Variants in PRKN observed in about 807,000 individuals in gnomAD.
PRKN encodes the protein E3 ubiquitin-protein ligase parkin.
PRKN carries 56 observed loss-of-function variants against 59.5 expected under a neutral mutation model. The observed-to-expected ratio is 0.94, with a 90% CI of 0.76 to 1.18. The LOEUF is 1.18. Ranked by LOEUF, PRKN falls within the 50% of genes most tolerant of loss-of-function variation. The pLI is 0.00. For synonymous variants in PRKN, 250 were observed against 222.1 expected (o/e 1.13, Z -1.12); for missense variants, 657 against 596.4 (o/e 1.10, Z -1.06).
intron 2 of PRKN, among the ~76,000 whole-genome samples, chr6:162,419,968 G>A (rs1788866860): frequency 6.6e-6 from 1 of 152,170 alleles, no homozygotes; most frequent in Admixed American, 6.5e-5. Context: ...TGGCATCAGG[G>A]ACTGGTTTCG....
chr6:162,627,880 T>C (rs1291179088), intron 1 of PRKN, among the ~76,000 whole-genome samples: 2 of 151,980 alleles, frequency 1.3e-5, no homozygotes. Flanking sequence ...GAGTCTAAGA[T>C]GCCACTGTAT....
chr6:161,707,108 T>C (rs1187214245), intron 7 of PRKN, among the ~76,000 whole-genome samples: 1 of 152,196 alleles, frequency 6.6e-6, no homozygotes, highest in Non-Finnish European at 1.5e-5. Flanking sequence ...GCAATGCTAG[T>C]TCAGTTTAAA....
intron 3 of PRKN, among the ~76,000 whole-genome samples, chr6:162,230,646 T>A (rs1305603493): frequency 6.6e-6 from 1 of 152,202 alleles, no homozygotes; most frequent in Non-Finnish European, 1.5e-5. Flanking sequence ...AAGATAGGAA[T>A]CTACACAACT....
intron 6 of PRKN, among the ~76,000 whole-genome samples, chr6:161,933,743 G>A (rs1477238299): frequency 6.6e-6 from 1 of 151,250 alleles, no homozygotes; most frequent in Non-Finnish European, 1.5e-5. Context: ...GTCCTACAAT[G>A]TAAATGAAGC....
intron 6 of PRKN, among the ~76,000 whole-genome samples, chr6:161,865,112 T>C (rs1189434318): frequency 6.6e-6 from 1 of 152,204 alleles, no homozygotes; most frequent in South Asian, 2.1e-4. Context: ...ATTCATGTCC[T>C]TGTACATCTC....
At chr6:162,367,217 C>T (rs567637876) in intron 2 of PRKN, among the ~76,000 whole-genome samples, 1 of 152,254 alleles carries the variant, frequency 6.6e-6, no homozygotes, top group East Asian at 1.9e-4. Flanking sequence ...GACATGTTTG[C>T]TTCCCCTTCC....
At chr6:161,792,409 T>C (rs1248892407) in intron 6 of PRKN, among the ~76,000 whole-genome samples, 1 of 152,170 alleles carries the variant, frequency 6.6e-6, no homozygotes, top group African/African-American at 2.4e-5. Flanking sequence ...GAGAAAAGAA[T>C]GGAGCTGTGA....
intron 9 of PRKN, among the ~76,000 whole-genome samples, chr6:161,432,355 A>ATTTTTTTTTTT (rs1188841520): frequency 1.1e-5 from 1 of 92,184 alleles, no homozygotes; most frequent in Non-Finnish European, 2.0e-5. Context: ...ACTTCCTCTG[A>ATTTTTTTTTTT]TTTTTTTTTT....
At chr6:162,045,214 A>C (rs1245157148) in intron 5 of PRKN, among the ~76,000 whole-genome samples, 1 of 152,202 alleles carries the variant, frequency 6.6e-6, no homozygotes, top group Non-Finnish European at 1.5e-5. Flanking sequence ...TAGCACAACA[A>C]ATCAATGTGT....
chr6:161,548,233 C>G lies in PRKN; in HGVS notation c.1083+621G>C, dbSNP rs73593440. ...TTGTGTTTGAGTTATGCTTCTTCCCCCCTTGAGCCATCAGCTTGCAGCCAT... is the reference window on the plus strand; with the variant it reads ...TTGTGTTTGAGTTATGCTTCTTCCCGCCTTGAGCCATCAGCTTGCAGCCAT... On this transcript the variant is annotated intron_variant, in intron 9 of 11. Transcript: ENST00000366898. This position sits in a 1 kb window ranked among gnomAD's most constrained non-coding sequence, Gnocchi z 4.2. Among the ~76,000 whole-genome samples the G allele has an allele frequency of 0.012, 1,856 of 152,222 alleles. 38 individuals are homozygous for G. The highest frequency in any genetic ancestry group is 0.037 in the African/African-American group (1,543 of 41,528).
intron 6 of PRKN, among the ~76,000 whole-genome samples, chr6:161,927,267 G>A (rs1362586890): frequency 1.3e-5 from 2 of 152,182 alleles, no homozygotes; most frequent in African/African-American, 2.4e-5. Context: ...GGATTGCAAA[G>A]TGTCTGAAGA....
rs1251599027 is a variant in PRKN at position 161,363,902 on chromosome 6, G to A, written c.1168-3697C>T. ...GGGCCGGATGTGGTGGTTCACGCCT[G>A]TAATCCAAGCACTTTGGGAGGCCAA... On this transcript the variant is annotated intron_variant, in intron 10 of 11. Coordinates refer to ENST00000366898, the MANE Select transcript of PRKN (RefSeq NM_004562.3). The surrounding 1 kb of genome is among the most constrained non-coding windows in gnomAD (Gnocchi z 4.1). 2.0e-5 allele frequency among the ~76,000 whole-genome samples: 3 copies of A among 152,190 alleles called. No individual in the cohort carries two copies. Among genetic ancestry groups the A allele is most frequent in the Non-Finnish European group, 4.4e-5 (3 of 68,034 alleles).
chr6:161,392,665 T>G (rs1290594962), intron 9 of PRKN, among the ~76,000 whole-genome samples: 1 of 151,966 alleles, frequency 6.6e-6, no homozygotes, highest in Non-Finnish European at 1.5e-5. Flanking sequence ...CATGGTCACC[T>G]AATACATTCT....
intron 6 of PRKN, among the ~76,000 whole-genome samples, chr6:161,847,495 G>A (rs552229165): frequency 1.3e-5 from 2 of 152,300 alleles, no homozygotes; most frequent in African/African-American, 4.8e-5. Context: ...AAGTGGTTGA[G>A]GGGTGGGTAT....
At chr6:162,055,355 C>A (rs935123210) in intron 4 of PRKN, among the ~76,000 whole-genome samples, 2 of 152,150 alleles carry the variant, frequency 1.3e-5, no homozygotes, top group Non-Finnish European at 2.9e-5. Context: ...ACCTAAAATT[C>A]TGTGCCTGAC....
intron 6 of PRKN, among the ~76,000 whole-genome samples, chr6:161,885,597 G>A (rs973356741): frequency 4.6e-5 from 7 of 151,310 alleles, no homozygotes; most frequent in South Asian, 2.1e-4. Context: ...CCCGGGAGGC[G>A]GAGCTTGCAG....
chr6:162,691,405 A>T (rs1430592175), intron 1 of PRKN, among the ~76,000 whole-genome samples: 1 of 152,162 alleles, frequency 6.6e-6, no homozygotes, highest in Non-Finnish European at 1.5e-5. Flanking sequence ...AGTGTCAGAA[A>T]ATGCCAACTT....
chr6:162,072,674 A>G (rs1379526233), intron 4 of PRKN, among the ~76,000 whole-genome samples: 1 of 152,226 alleles, frequency 6.6e-6, no homozygotes, highest in Non-Finnish European at 1.5e-5. Context: ...TGAGGATGTC[A>G]AGATGATAAA....
chr6:161,512,138 A>G (rs1778415259), intron 9 of PRKN, among the ~76,000 whole-genome samples: 1 of 152,272 alleles, frequency 6.6e-6, no homozygotes. Context: ...GAAAATGGAA[A>G]GAGGTCTACA....
Sources: gnomAD v4.1 joint callset for allele counts (sites outside exome capture counted in the v4.1 genomes callset) on GRCh38, gnomAD v4.1.1 for gene constraint, Gnocchi (gnomAD v3.1) non-coding constraint, MANE v1.5 for transcripts, NCBI Gene and HGNC (gene_info 2026-07-23, HGNC 2026-07-21) for gene names.